ZSCAN18: variants seen among roughly 807,000 people sequenced by gnomAD.
ZSCAN18 encodes zinc finger and SCAN domain containing 18, also known as zinc finger and SCAN domain-containing protein 18.
ZSCAN18 carries 16 observed loss-of-function variants against 31.1 expected under a neutral mutation model. That is an observed-to-expected ratio of 0.51 (90% confidence interval 0.35 to 0.78). ZSCAN18 has a LOEUF of 0.78. ZSCAN18 is among the 30% of genes least tolerant of loss of function. ZSCAN18 has a pLI of 0.01. For synonymous variants in ZSCAN18, 375 were observed against 320.7 expected, an observed-to-expected ratio of 1.17 and a Z score of -1.81; for missense variants, 731 against 697.4, an observed-to-expected ratio of 1.05 and a Z score of -0.54.
upstream of ZSCAN18, among the ~76,000 whole-genome samples, chr19:58,103,023 G>A (rs540730337): frequency 1.8e-3 from 274 of 152,060 alleles, no homozygotes; most frequent in Non-Finnish European, 2.4e-3. Context: ...TTGGGAGGCC[G>A]AGGCAGCAGA....
upstream of ZSCAN18, among the ~76,000 whole-genome samples, chr19:58,100,345 T>C (rs1023088440): frequency 2.0e-5 from 3 of 152,114 alleles, no homozygotes; most frequent in Non-Finnish European, 2.9e-5. Context: ...GAAGGTGCAG[T>C]GCATCCATGT....
chr19:58,088,725 G>T lies in ZSCAN18; in HGVS notation c.516C>A (p.Ala172=). Residue 172 remains alanine (A), a synonymous_variant, in exon 3 of 7, where the codon GCC becomes GCA. Coordinates refer to ENST00000601144, the MANE Select transcript of ZSCAN18 (RefSeq NM_001145543.2). ...LPGELASPSQ[A]LGAGEIPAPS... is the part of the protein sequence containing the mutation. ...GTGCCGGGATCTCCCCAGCTCCAAG[G>T]GCCTGGCTGGGGCTCGCGAGCTCGC... is the stretch of plus-strand genomic sequence containing the variant. The T allele has an allele frequency of 6.2e-7, 1 of 1,611,646 alleles. No individual in the cohort carries two copies. The highest frequency in any genetic ancestry group is 1.1e-5 in the South Asian group (1 of 91,086).
In ZSCAN18 at chr19:58,085,151, T is replaced by C. The variant is rs2074243301; in HGVS notation, c.1067A>G (p.Gln356Arg). The C allele has an allele frequency of 6.2e-7, 1 of 1,610,812 alleles. No individual in the cohort carries two copies. Among genetic ancestry groups the C allele is most frequent in the Non-Finnish European group, 8.5e-7 (1 of 1,179,106 alleles). The change falls in exon 7 of 7, where the codon CAG becomes CGG. Residue 356 changes from glutamine to arginine, a missense_variant. This residue lies in a region of ZSCAN18 where 597 missense variants were observed against 499.5 expected (regional missense o/e 1.20). Coordinates refer to ENST00000601144, the MANE Select transcript of ZSCAN18 (RefSeq NM_001145543.2). ...CGTGCCCCTGTCCGGGGCAGGCTGC[T>C]GGATGACGGACTGCCTCTGCGATCC... ...ATGSQRQSVI[Q>R]QPAPDRGTAK...
chr19:58,089,110 C>T (rs1439986861), intron 2 of ZSCAN18, among the ~76,000 whole-genome samples: 18 of 143,074 alleles, frequency 1.3e-4, no homozygotes, highest in South Asian at 4.5e-4. Context: ...GAGGCCATCC[C>T]GGCTAAAACG....
In ZSCAN18 at chr19:58,084,751, C is replaced by T. The variant is rs1425096742; in HGVS notation, c.1467G>A (p.Arg489=). 1 of 1,562,136 alleles carries T rather than the reference C, an allele frequency of 6.4e-7. No homozygotes were observed. The highest frequency in any genetic ancestry group is 1.4e-5 in the African/African-American group (1 of 73,606). ...CCACGCTCTCTGGGGGACCGCCCGCCCTAGCCCCCGCCTGGGCTTCGCGGG... is the reference window on the plus strand; with the variant it reads ...CCACGCTCTCTGGGGGACCGCCCGCTCTAGCCCCCGCCTGGGCTTCGCGGG... The part of the protein sequence containing the change: ...PSTREAQAGA[R]AGGPPESVEG... The change falls in exon 7 of 7, where the codon AGG becomes AGA. Residue 489 remains arginine (R), a synonymous_variant. Transcript: ENST00000601144. The surrounding 1 kb of genome is among the most constrained non-coding windows in gnomAD (Gnocchi z 4.5).
chr19:58,107,376 G>C (rs1302126157), intron 1 of ZSCAN18, among the ~76,000 whole-genome samples: 1 of 150,278 alleles, frequency 6.7e-6, no homozygotes, highest in Non-Finnish European at 1.5e-5. Context: ...GACCAACATG[G>C]TGAAACCCTA....
intron 6 of ZSCAN18, chr19:58,085,967 G>C: frequency 1.8e-6 from 1 of 562,706 alleles, no homozygotes; most frequent in South Asian, 2.4e-5. Context: ...CGTTTCCACC[G>C]ACCAAGTCTT....
chr19:58,089,277 TG>T (rs2145979305), intron 2 of ZSCAN18, among the ~76,000 whole-genome samples: 1 of 105,516 alleles, frequency 9.5e-6, no homozygotes, highest in East Asian at 3.2e-4. Flanking sequence ...CACTCCAGCC[TG>T]GGCGACAGAG....
At chr19:58,091,403 G>T (rs149911883) in intron 1 of ZSCAN18, among the ~76,000 whole-genome samples, 1 of 151,966 alleles carries the variant, frequency 6.6e-6, no homozygotes, top group Non-Finnish European at 1.5e-5. Flanking sequence ...CGTAGGGAGC[G>T]GGGGGCTCCC....
chr19:58,118,228 A>C, intron 1 of ZSCAN18: 1 of 1,076,514 alleles, frequency 9.3e-7, no homozygotes, highest in Non-Finnish European at 1.3e-6. Context: ...CCACGCAGCC[A>C]CCGCCCAGCC....
upstream of ZSCAN18, chr19:58,098,454 C>T: frequency 1.2e-6 from 1 of 831,544 alleles, no homozygotes; most frequent in Non-Finnish European, 1.5e-6. Context: ...AAATAATAGA[C>T]CCCTGACAGC....
chr19:58,106,856 C>G (rs12980120), intron 1 of ZSCAN18, among the ~76,000 whole-genome samples: 115,863 of 150,478 alleles, frequency 0.77, 45,181 homozygotes, highest in Non-Finnish European at 0.85. Flanking sequence ...TGCCTCCCAG[C>G]TTCAGGCAAT....
At chr19:58,108,033 C>A in intron 1 of ZSCAN18, 1 of 1,016,320 alleles carries the variant, frequency 9.8e-7, no homozygotes, top group Non-Finnish European at 1.2e-6. Context: ...TATGAATCCT[C>A]TTGTGCCTGA....
chr19:58,088,584 C>A, intron 3 of ZSCAN18, 104 bp downstream of exon 3: 1 of 1,177,832 alleles, frequency 8.5e-7, no homozygotes, highest in Non-Finnish European at 1.2e-6. Context: ...GACCATGGAG[C>A]CCCTGACTCC....
chr19:58,105,415 A>G (rs2146021426), intron 1 of ZSCAN18, among the ~76,000 whole-genome samples: 1 of 152,358 alleles, frequency 6.6e-6, no homozygotes, highest in East Asian at 1.9e-4. Flanking sequence ...TAATCCCAGC[A>G]CTTTGGGAGG....
In ZSCAN18 at chr19:58,088,701, T is replaced by G. The variant is rs775069048; in HGVS notation, c.540A>C (p.Ala180=). 1 of 1,609,752 alleles carries G rather than the reference T, an allele frequency of 6.2e-7. No homozygotes were observed. The highest frequency in any genetic ancestry group is 8.5e-7 in the Non-Finnish European group (1 of 1,179,932). Residue 180 remains alanine (A), a synonymous_variant, in exon 3 of 7, where the codon GCA becomes GCC. Coordinates refer to ENST00000601144, the MANE Select transcript of ZSCAN18 (RefSeq NM_001145543.2). The part of the protein sequence containing the change: ...SQALGAGEIP[A]PSETPWLSPD... Reference sequence around the variant, plus strand: ...CTGGGCACTCACGTGTCTCAGAAGGTGCCGGGATCTCCCCAGCTCCAAGGG... The same window carrying G: ...CTGGGCACTCACGTGTCTCAGAAGGGGCCGGGATCTCCCCAGCTCCAAGGG...
intron 1 of ZSCAN18, among the ~76,000 whole-genome samples, chr19:58,112,687 C>T (rs1291725672): frequency 4.0e-5 from 6 of 151,224 alleles, no homozygotes; most frequent in Non-Finnish European, 7.4e-5. Flanking sequence ...GCTCAGCTGA[C>T]GCCTGTAATC....
At chr19:58,100,269 T>A (rs1013657510), upstream of ZSCAN18, among the ~76,000 whole-genome samples, 1 of 152,124 alleles carries the variant, frequency 6.6e-6, no homozygotes, top group African/African-American at 2.4e-5. Flanking sequence ...CAGTTTATTT[T>A]AATGGATATA....
chr19:58,104,035 ACT>A (rs2074614792), intron 1 of ZSCAN18, among the ~76,000 whole-genome samples: 2 of 152,158 alleles, frequency 1.3e-5, no homozygotes, highest in Admixed American at 1.3e-4. Flanking sequence ...CAAGGTCCTG[ACT>A]CTCTTCATTT....
Sources: gnomAD v4.1 joint callset for allele counts (sites outside exome capture counted in the v4.1 genomes callset) on GRCh38, gnomAD v4.1.1 for gene constraint, gnomAD v4.1.1 regional missense constraint, Gnocchi (gnomAD v3.1) non-coding constraint, MANE v1.5 for transcripts, NCBI Gene and HGNC (gene_info 2026-07-23, HGNC 2026-07-21) for gene names.